DRC9: variants seen among roughly 807,000 people sequenced by gnomAD.
DRC9 encodes the protein dynein regulatory complex protein 9.
At chr3:197,934,568 T>G in the DRC9 span, among the ~76,000 whole-genome samples, 3 of 152,142 alleles carry the variant, frequency 2.0e-5, no homozygotes, top group Non-Finnish European at 4.4e-5. Flanking sequence ...TCAGGAAAGT[T>G]AAGTGACTTG....
At chr3:197,939,763 G>C in the DRC9 span, among the ~76,000 whole-genome samples, 1 of 151,568 alleles carries the variant, frequency 6.6e-6, no homozygotes. Flanking sequence ...TTTTGAGACA[G>C]GGTCTTGCTC....
the DRC9 span, among the ~76,000 whole-genome samples, chr3:197,898,020 A>G: frequency 2.0e-5 from 3 of 149,510 alleles, no homozygotes; most frequent in African/African-American, 7.5e-5. Flanking sequence ...TGACCTCGTG[A>G]TCCACCTGCC....
the DRC9 span, chr3:197,943,967 G>C: frequency 6.8e-6 from 11 of 1,613,984 alleles, no homozygotes; most frequent in South Asian, 6.6e-5. Context: ...CTTCTTCTAC[G>C]GTACTAGGTG....
the DRC9 span, among the ~76,000 whole-genome samples, chr3:197,922,054 C>G: frequency 2.0e-5 from 3 of 151,904 alleles, no homozygotes; most frequent in Admixed American, 6.6e-5. Flanking sequence ...GGGATTTCAC[C>G]TGGTTTCATC....
chr3:197,923,758 A>AAAAT, the DRC9 span, among the ~76,000 whole-genome samples: 1 of 152,144 alleles, frequency 6.6e-6, no homozygotes, highest in Non-Finnish European at 1.5e-5. Context: ...AAAACAGTAA[A>AAAAT]AAATAAATAA....
chr3:197,960,079 G>GA, the DRC9 span: 3 of 685,220 alleles, frequency 4.4e-6, no homozygotes, highest in Non-Finnish European at 7.2e-6. Flanking sequence ...CGATGGACGT[G>GA]ATCGCCGCCC....
the DRC9 span, among the ~76,000 whole-genome samples, chr3:197,921,161 A>G: frequency 8.4e-6 from 1 of 118,534 alleles, no homozygotes; most frequent in Non-Finnish European, 1.7e-5. Flanking sequence ...ATGTAACCTG[A>G]TTTCATCTTG....
At chr3:197,910,306 A>G in the DRC9 span, among the ~76,000 whole-genome samples, 1 of 152,178 alleles carries the variant, frequency 6.6e-6, no homozygotes, top group African/African-American at 2.4e-5. Flanking sequence ...TCCCTAAAAA[A>G]TAAAAAATAA....
the DRC9 span, chr3:197,957,695 T>C: frequency 6.6e-6 from 1 of 152,140 alleles, no homozygotes; most frequent in Non-Finnish European, 1.5e-5. Context: ...AAATTGAACT[T>C]GGGAATTACG....
At chr3:197,904,110 A>ATATTT in the DRC9 span, among the ~76,000 whole-genome samples, 1 of 80,830 alleles carries the variant, frequency 1.2e-5, no homozygotes, top group Non-Finnish European at 2.3e-5. Context: ...ATATATATAT[A>ATATTT]TTTTTTTTTT....
At chr3:197,914,838 G>A in the DRC9 span, among the ~76,000 whole-genome samples, 2 of 152,112 alleles carry the variant, frequency 1.3e-5, no homozygotes, top group Non-Finnish European at 1.5e-5. Flanking sequence ...TGGCTCATTC[G>A]ATACCTGAAG....
chr3:197,959,988 C>T, the DRC9 span: 11 of 556,796 alleles, frequency 2.0e-5, no homozygotes, highest in South Asian at 2.7e-4. Flanking sequence ...GGCCAACGCC[C>T]GCTAGCCTTT....
At chr3:197,912,556 A>T in the DRC9 span, 1 of 747,566 alleles carries the variant, frequency 1.3e-6, no homozygotes, top group South Asian at 1.7e-5. Context: ...AACATGAGCT[A>T]AAGTTCATTA....
chr3:197,937,882 T>G, the DRC9 span, among the ~76,000 whole-genome samples: 1 of 151,790 alleles, frequency 6.6e-6, no homozygotes, highest in Admixed American at 6.6e-5. Context: ...CTCTATGATC[T>G]CTCCAGTCAA....
the DRC9 span, among the ~76,000 whole-genome samples, chr3:197,923,207 C>T: frequency 2.7e-4 from 41 of 152,138 alleles, no homozygotes; most frequent in African/African-American, 9.9e-4. Context: ...CAGCCTCAAC[C>T]TCCTAGGCTC....
At chr3:197,954,289 GGA>G in the DRC9 span, 1 of 809,876 alleles carries the variant, frequency 1.2e-6, no homozygotes, top group East Asian at 2.7e-5. Context: ...GCAGAACACT[GGA>G]GAGATAGTAA....
chr3:197,895,797 A>C, the DRC9 span, among the ~76,000 whole-genome samples: 2 of 151,316 alleles, frequency 1.3e-5, no homozygotes, highest in African/African-American at 4.9e-5. Flanking sequence ...CAACATGGCA[A>C]AACCCCATCG....
chr3:197,898,988 T>C, the DRC9 span, among the ~76,000 whole-genome samples: 1 of 152,214 alleles, frequency 6.6e-6, no homozygotes, highest in East Asian at 1.9e-4. Flanking sequence ...AATAAAGGAC[T>C]TTTTAAAATT....
At chr3:197,946,842 G>A in the DRC9 span, among the ~76,000 whole-genome samples, 1 of 151,818 alleles carries the variant, frequency 6.6e-6, no homozygotes, top group African/African-American at 2.4e-5. Flanking sequence ...TTTTTTTTGA[G>A]ATGGAGTTTT....
Sources: gnomAD v4.1 joint callset for allele counts (sites outside exome capture counted in the v4.1 genomes callset) on GRCh38, gnomAD v4.1.1 for gene constraint, MANE v1.5 for transcripts, NCBI Gene and HGNC (gene_info 2026-07-23, HGNC 2026-07-21) for gene names.